The following OSBPL1A variants were observed in gnomAD, a reference collection of about 807,000 sequenced individuals.
OSBPL1A encodes the protein oxysterol binding protein like 1A, also known as oxysterol-binding protein-related protein 1.
A neutral mutation model predicts 137.1 loss-of-function variants in OSBPL1A; 80 were observed. The ratio of observed to expected loss-of-function variants is 0.58; its 90% CI spans 0.49 to 0.70. The LOEUF is 0.70. OSBPL1A is among the 30% of genes least tolerant of loss of function. The pLI is 0.00. For synonymous variants in OSBPL1A, 365 were observed against 389.7 expected, an observed-to-expected ratio of 0.94 and a Z score of 0.75; for missense variants, 970 against 1,129.4, an observed-to-expected ratio of 0.86 and a Z score of 2.02.
intron 2 of OSBPL1A, among the ~76,000 whole-genome samples, chr18:24,370,179 C>A (rs1352882663): frequency 6.6e-6 from 1 of 152,202 alleles, no homozygotes; most frequent in African/African-American, 2.4e-5. Context: ...TGTGACTGCA[C>A]CGCTGCATTC....
At chr18:24,339,277 G>A (rs2091235265) in intron 5 of OSBPL1A, among the ~76,000 whole-genome samples, 1 of 152,118 alleles carries the variant, frequency 6.6e-6, no homozygotes, top group Non-Finnish European at 1.5e-5. Context: ...CAGCCCCTAT[G>A]ACATGGTTTC....
intron 14 of OSBPL1A, among the ~76,000 whole-genome samples, chr18:24,288,506 G>A (rs1017353106): frequency 2.6e-5 from 4 of 152,172 alleles, no homozygotes; most frequent in Non-Finnish European, 4.4e-5. Context: ...AGTGGCTCAC[G>A]CCTGTAATCC....
intron 17 of OSBPL1A, among the ~76,000 whole-genome samples, chr18:24,202,461 C>T (rs527366418): frequency 2.2e-4 from 33 of 152,330 alleles, no homozygotes; most frequent in Admixed American, 1.8e-3. Flanking sequence ...CTTCTCACTA[C>T]GTAGGAGCTC....
At chr18:24,200,213 G>A (rs1016482607) in intron 17 of OSBPL1A, among the ~76,000 whole-genome samples, 15 of 152,204 alleles carry the variant, frequency 9.9e-5, no homozygotes, top group African/African-American at 3.1e-4. Flanking sequence ...CTTAACAGTC[G>A]TTTTTAATGG....
intron 1 of OSBPL1A, among the ~76,000 whole-genome samples, chr18:24,379,112 G>A (rs183423340): frequency 6.6e-6 from 1 of 152,114 alleles, no homozygotes; most frequent in East Asian, 1.9e-4. Flanking sequence ...AATAAAGCTT[G>A]AGAAAAAGAA....
intron 17 of OSBPL1A, among the ~76,000 whole-genome samples, chr18:24,211,347 G>T (rs2087537526): frequency 6.6e-6 from 1 of 152,086 alleles, no homozygotes; most frequent in African/African-American, 2.4e-5. Flanking sequence ...TTACATTATT[G>T]CAATCTTTTA....
At position 24,292,479 on chromosome 18, in the gene OSBPL1A, G is replaced by C. The variant is rs2588558; in HGVS notation, c.1174+11158C>G. On this transcript the variant is annotated intron_variant, in intron 14 of 27. Coordinates refer to ENST00000319481, the MANE Select transcript of OSBPL1A (RefSeq NM_080597.4). ...TGAGAGATATAAGGTATAAATTTAA[G>C]CTAGATAAGTAGGTCATTCATTTCA... Among the ~76,000 whole-genome samples, 1,099 of 152,190 alleles carry C rather than the reference G, an allele frequency of 7.2e-3. 14 individuals are homozygous for C. The highest frequency in any genetic ancestry group is 0.025 in the African/African-American group (1,051 of 41,516).
chr18:24,203,106 T>C (rs1271008703), intron 17 of OSBPL1A, among the ~76,000 whole-genome samples: 2 of 152,158 alleles, frequency 1.3e-5, no homozygotes, highest in African/African-American at 2.4e-5. Context: ...GCCATCCGAG[T>C]AGCTGGGACT....
intron 17 of OSBPL1A, among the ~76,000 whole-genome samples, chr18:24,216,923 T>C (rs1047273946): frequency 6.6e-6 from 1 of 152,214 alleles, no homozygotes; most frequent in African/African-American, 2.4e-5. Flanking sequence ...TAGCTGACTC[T>C]ATGTCTGGGG....
At chr18:24,227,971 C>T (rs1448474213) in intron 16 of OSBPL1A, among the ~76,000 whole-genome samples, 2 of 152,100 alleles carry the variant, frequency 1.3e-5, no homozygotes, top group African/African-American at 4.8e-5. Context: ...CAGGGACTTA[C>T]CCACCTAAAA....
Position 24,332,979 on chromosome 18 carries a change from T to C in OSBPL1A, c.588A>G (p.Leu196=), listed in dbSNP as rs767589980. The change falls in exon 7 of 28, where the codon CTA becomes CTG. Residue 196 remains leucine (L), a synonymous_variant. Transcript: ENST00000319481. ...RAHKQCALKL[L]RSGADPNLKN... ...TCAGATTAGGGTCTGCTCCACTTCT[T>C]AGAAGCTTTAAGGCACATTGTTTAT... The C allele has an allele frequency of 7.4e-6, 12 of 1,614,092 alleles. No individual in the cohort carries two copies. In the South Asian group the frequency reaches 1.1e-4, roughly 15 times the overall value.
Position 24,368,298 on chromosome 18 carries a change from C to T in OSBPL1A, c.196G>A (p.Asp66Asn). 1 of 1,611,434 alleles carries T rather than the reference C, an allele frequency of 6.2e-7. No homozygotes were observed. Among genetic ancestry groups the T allele is most frequent in the Non-Finnish European group, 8.5e-7 (1 of 1,177,734 alleles). The change falls in exon 3 of 28, where the codon GAT becomes AAT. Residue 66 changes from aspartate (D) to asparagine (N), a missense_variant. Physicochemically the swap from Asp to Asn is conservative, Grantham distance 23 (BLOSUM62 1). Coordinates refer to ENST00000319481, the MANE Select transcript of OSBPL1A (RefSeq NM_080597.4). ...AGTCATAAATAGACCTTCAACAGAT[C>T]CTGGACCACTTGTCTGTGTCCAAAA... is the stretch of plus-strand genomic sequence containing the variant. ...CYFGHRQVVQ[D>N]LLKAGAEVNV...
At chr18:24,244,449 A>G (rs1265370666) in intron 15 of OSBPL1A, among the ~76,000 whole-genome samples, 2 of 152,258 alleles carry the variant, frequency 1.3e-5, no homozygotes, top group Non-Finnish European at 2.9e-5. Context: ...TCAAATTCGC[A>G]TATGGAATAT....
chr18:24,302,776 A>C (rs1405689247), intron 14 of OSBPL1A: 5 of 152,182 alleles, frequency 3.3e-5, no homozygotes, highest in Non-Finnish European at 7.3e-5. Context: ...TGAAGACATA[A>C]AAAGTTATTA....
At chr18:24,385,346 G>A in intron 1 of OSBPL1A, among the ~76,000 whole-genome samples, 1 of 152,078 alleles carries the variant, frequency 6.6e-6, no homozygotes, top group East Asian at 1.9e-4. Context: ...AGCTATAATT[G>A]CACCACTATA....
chr18:24,322,844 C>T (rs2090890639), intron 7 of OSBPL1A, among the ~76,000 whole-genome samples: 1 of 152,046 alleles, frequency 6.6e-6, no homozygotes, highest in South Asian at 2.1e-4. Flanking sequence ...AATGAAATAG[C>T]CTCCTAGATG....
intron 14 of OSBPL1A, chr18:24,301,186 T>C (rs1313657873): frequency 6.6e-6 from 1 of 152,238 alleles, no homozygotes; most frequent in African/African-American, 2.4e-5. Context: ...ATTATCTCTT[T>C]TGTAGTATCA....
At chr18:24,337,665 A>C (rs2091198963) in intron 5 of OSBPL1A, among the ~76,000 whole-genome samples, 1 of 151,764 alleles carries the variant, frequency 6.6e-6, no homozygotes, top group African/African-American at 2.4e-5. Context: ...ATTAAATGCA[A>C]TGTGGGATTC....
intron 14 of OSBPL1A, among the ~76,000 whole-genome samples, chr18:24,281,513 G>C (rs948138839): frequency 6.6e-6 from 1 of 151,342 alleles, no homozygotes; most frequent in African/African-American, 2.4e-5. Context: ...TCAGCCTCCC[G>C]AGTAGATGGG....
Sources: allele counts gnomAD v4.1 joint callset (sites outside exome capture counted in the v4.1 genomes callset), GRCh38; gene constraint gnomAD v4.1.1; transcripts MANE v1.5; gene names NCBI Gene and HGNC (gene_info 2026-07-23, HGNC 2026-07-21).